The following ATP8A2 variants were observed in gnomAD, a reference collection of about 807,000 sequenced individuals.
ATP8A2 encodes phospholipid-transporting ATPase IB.
Under a neutral mutation model 165.6 loss-of-function variants are expected in ATP8A2, and 100 were observed. That is an observed-to-expected ratio of 0.60 (90% confidence interval 0.51 to 0.71). The LOEUF is 0.71. Ranked by LOEUF, ATP8A2 falls within the 30% of genes least tolerant of loss-of-function variation. The pLI, the probability that ATP8A2 is intolerant of heterozygous loss-of-function variation, is 0.00. For missense variants in ATP8A2, 1,227 were observed against 1,479.5 expected, an observed-to-expected ratio of 0.83 and a Z score of 2.80; for synonymous variants, 543 against 548.8, an observed-to-expected ratio of 0.99 and a Z score of 0.15.
At chr13:25,763,731 C>T (rs554945905) in intron 25 of ATP8A2, among the ~76,000 whole-genome samples, 32 of 152,232 alleles carry the variant, frequency 2.1e-4, no homozygotes, top group Non-Finnish European at 3.8e-4. Flanking sequence ...TTGAGGGAGC[C>T]GCACAGTTTG....
chr13:25,466,438 C>T lies in ATP8A2; in HGVS notation c.77-2539C>T, dbSNP rs1052966557. Among the ~76,000 whole-genome samples, 3 of 152,172 alleles carry T rather than the reference C, an allele frequency of 2.0e-5. No homozygotes were observed. The East Asian group carries it at 5.8e-4, about 29-fold the overall frequency. On this transcript the variant is annotated intron_variant, in intron 1 of 36. Coordinates refer to ENST00000381655, the MANE Select transcript of ATP8A2 (RefSeq NM_016529.6). The stretch of plus-strand genomic sequence containing the variant: ...AGAATCTATTCCACCACCTGCCCTC[C>T]CAGCACAAAGAGGCTGCTGACCTCT...
At chr13:25,513,020 C>G (rs1376614192) in intron 2 of ATP8A2, among the ~76,000 whole-genome samples, 12 of 148,806 alleles carry the variant, frequency 8.1e-5, no homozygotes, top group African/African-American at 2.7e-4. Flanking sequence ...TGACCCCCCC[C>G]ACCTCCCTCC....
At chr13:25,758,943 T>G (rs1389336339) in intron 25 of ATP8A2, among the ~76,000 whole-genome samples, 3 of 151,866 alleles carry the variant, frequency 2.0e-5, no homozygotes, top group Non-Finnish European at 4.4e-5. Context: ...AATTACCTCC[T>G]TTCCCACCCA....
At chr13:25,377,072 T>C (rs1460089318) in intron 1 of ATP8A2, among the ~76,000 whole-genome samples, 1 of 152,258 alleles carries the variant, frequency 6.6e-6, no homozygotes, top group Non-Finnish European at 1.5e-5. Flanking sequence ...GGATGTGTTA[T>C]CTTAAACCCT....
At chr13:25,394,553 C>T (rs529955315) in intron 1 of ATP8A2, among the ~76,000 whole-genome samples, 13 of 152,250 alleles carry the variant, frequency 8.5e-5, no homozygotes, top group East Asian at 3.9e-4. Flanking sequence ...AAGCAGGAGG[C>T]GGCAGAGACC....
chr13:25,581,183 G>A (rs2039766465), intron 22 of ATP8A2, among the ~76,000 whole-genome samples: 1 of 152,178 alleles, frequency 6.6e-6, no homozygotes, highest in South Asian at 2.1e-4. Flanking sequence ...TGGGATGTGA[G>A]TACATGGAGC....
At chr13:25,824,174 T>C (rs1327874728) in intron 27 of ATP8A2, among the ~76,000 whole-genome samples, 2 of 152,282 alleles carry the variant, frequency 1.3e-5, no homozygotes, top group African/African-American at 2.4e-5. Flanking sequence ...TTTCACCATG[T>C]TGGACCAGGC....
chr13:25,929,620 A>T (rs1254316730), intron 33 of ATP8A2, among the ~76,000 whole-genome samples: 5 of 152,118 alleles, frequency 3.3e-5, no homozygotes, highest in African/African-American at 1.2e-4. Context: ...GTGCTTTGGG[A>T]GGCCGAGATG....
chr13:25,950,222 G>A lies in ATP8A2; in HGVS notation c.3184-11353G>A, dbSNP rs542520745. The stretch of plus-strand genomic sequence containing the variant: ...TTCTCTGCCTGGTTTCCCACGTCAC[G>A]ACCTGTGGAGAATGGCCTAGGAACC... On this transcript the variant is annotated intron_variant, in intron 33 of 36. Transcript: ENST00000381655. 2.0e-5 allele frequency among the ~76,000 whole-genome samples: 3 copies of A among 152,258 alleles called. No individual in the cohort carries two copies. In the East Asian group the frequency reaches 5.8e-4, roughly 29 times the overall value.
intron 2 of ATP8A2, among the ~76,000 whole-genome samples, chr13:25,515,452 CAGG>C (rs2037437125): frequency 1.3e-5 from 2 of 152,256 alleles, no homozygotes; most frequent in African/African-American, 4.8e-5. Flanking sequence ...CCTCGCAGGC[CAGG>C]GCCCTTGCTT....
chr13:25,377,125 T>C (rs1047740875), intron 1 of ATP8A2, among the ~76,000 whole-genome samples: 1 of 152,218 alleles, frequency 6.6e-6, no homozygotes, highest in African/African-American at 2.4e-5. Flanking sequence ...TTTACAGTTA[T>C]TTTCGAAAAA....
At chr13:25,744,184 T>C (rs2043977943) in intron 25 of ATP8A2, among the ~76,000 whole-genome samples, 1 of 152,214 alleles carries the variant, frequency 6.6e-6, no homozygotes, top group Non-Finnish European at 1.5e-5. Flanking sequence ...CATTTTTCTG[T>C]TTATAAACCA....
intron 35 of ATP8A2, among the ~76,000 whole-genome samples, chr13:25,989,730 T>G (rs1432011334): frequency 6.6e-6 from 1 of 152,216 alleles, no homozygotes; most frequent in Non-Finnish European, 1.5e-5. Context: ...TACCTTTTTA[T>G]AAGGATCCTT....
chr13:25,409,100 T>C (rs1302780300), intron 1 of ATP8A2, among the ~76,000 whole-genome samples: 3 of 152,238 alleles, frequency 2.0e-5, no homozygotes, highest in African/African-American at 4.8e-5. Flanking sequence ...CCCTCTTTTT[T>C]TGCAAACAAC....
rs114902433 is a variant in ATP8A2 at position 25,845,654 on chromosome 13, C to T, written c.2956+6030C>T. Among the ~76,000 whole-genome samples the T allele has an allele frequency of 5.9e-3, 900 of 152,258 alleles. 10 individuals carry two copies. The highest frequency in any genetic ancestry group is 0.021 in the African/African-American group (852 of 41,542). On this transcript the variant is annotated intron_variant, in intron 30 of 36. Transcript: ENST00000381655. ...TTTTGTATACTGAAATAGTAGTGCA[C>T]GTGTATAAAATAAAACTCAGTGTGA...
At chr13:25,407,182 G>A (rs555471463) in intron 1 of ATP8A2, among the ~76,000 whole-genome samples, 3 of 152,266 alleles carry the variant, frequency 2.0e-5, no homozygotes, top group Non-Finnish European at 2.9e-5. Flanking sequence ...ATCAAACTAG[G>A]AAAACTGCTG....
chr13:25,683,699 T>A (rs116400170), intron 24 of ATP8A2, among the ~76,000 whole-genome samples: 2,376 of 152,186 alleles, frequency 0.016, 63 homozygotes, highest in African/African-American at 0.053. Context: ...CCTTTTTTTT[T>A]TTTTTATTAT....
intron 33 of ATP8A2, among the ~76,000 whole-genome samples, chr13:25,901,107 G>A (rs535038045): frequency 1.3e-5 from 2 of 152,202 alleles, no homozygotes; most frequent in African/African-American, 4.8e-5. Context: ...GAGACAGGTG[G>A]AGGAGGCCAA....
At chr13:25,553,961 T>C (rs752280590) in intron 12 of ATP8A2, 41 bp downstream of exon 12, 5 of 1,583,924 alleles carry the variant, frequency 3.2e-6, no homozygotes, top group Non-Finnish European at 4.3e-6. Context: ...TTTCCAATGC[T>C]ATTTCAGAGC....
Sources: allele counts gnomAD v4.1 joint callset (sites outside exome capture counted in the v4.1 genomes callset), GRCh38; gene constraint gnomAD v4.1.1; transcripts MANE v1.5; gene names NCBI Gene and HGNC (gene_info 2026-07-23, HGNC 2026-07-21).